The following TMEM178B variants were observed in gnomAD, a reference collection of about 807,000 sequenced individuals.
The protein encoded by TMEM178B is transmembrane protein 178B.
In TMEM178B, 5 loss-of-function variants were observed where a neutral mutation model predicts 31.0. That is an observed-to-expected ratio of 0.16 (90% CI 0.08 to 0.34). The LOEUF (loss-of-function observed/expected upper bound fraction) is 0.34, where lower values mean the gene tolerates loss of function less well. Among genes scored for constraint, TMEM178B ranks in the 10% least tolerant of loss-of-function variants. The pLI is 1.00. For missense variants in TMEM178B, 275 were observed against 400.3 expected, an observed-to-expected ratio of 0.69 and a Z score of 2.67; for synonymous variants, 164 against 164.0, an observed-to-expected ratio of 1.00 and a Z score of 0.00.
At chr7:141,412,493 A>G (rs934815081) in intron 2 of TMEM178B, among the ~76,000 whole-genome samples, 6 of 152,206 alleles carry the variant, frequency 3.9e-5, no homozygotes, top group African/African-American at 1.2e-4. Context: ...CATGGGCCCA[A>G]GAGAGTTGCA....
intron 2 of TMEM178B, among the ~76,000 whole-genome samples, chr7:141,332,802 C>G (rs565389147): frequency 6.6e-6 from 1 of 152,324 alleles, no homozygotes; most frequent in South Asian, 2.1e-4. Context: ...AGTGTTTCCC[C>G]ACCTTGTAGT....
chr7:141,275,786 T>C (rs1798257068), intron 2 of TMEM178B, among the ~76,000 whole-genome samples: 1 of 152,208 alleles, frequency 6.6e-6, no homozygotes, highest in African/African-American at 2.4e-5. Context: ...TTATTTGTTG[T>C]ACAGAATTCA....
intron 1 of TMEM178B, among the ~76,000 whole-genome samples, chr7:141,205,534 G>C (rs373391961): frequency 1.3e-5 from 2 of 152,336 alleles, no homozygotes; most frequent in African/African-American, 4.8e-5. Flanking sequence ...TCCCTCTGGA[G>C]GAAGGGGATC....
chr7:141,175,475 G>A (rs1416485862), intron 1 of TMEM178B, among the ~76,000 whole-genome samples: 1 of 152,128 alleles, frequency 6.6e-6, no homozygotes, highest in Non-Finnish European at 1.5e-5. Context: ...GAAATTTAAA[G>A]TAGTTTTTTC....
At chr7:141,499,287 T>C in the TMEM178B span, among the ~76,000 whole-genome samples, 2 of 152,050 alleles carry the variant, frequency 1.3e-5, no homozygotes, top group Non-Finnish European at 2.9e-5. Flanking sequence ...GTGACTCTTA[T>C]TAGAGCTAGT....
chr7:141,087,988 T>C lies in TMEM178B; in HGVS notation c.382+13296T>C, dbSNP rs1293697709. Among the ~76,000 whole-genome samples the C allele has an allele frequency of 3.9e-5, 6 of 152,136 alleles. No homozygotes were observed. In the South Asian group the frequency reaches 1.2e-3, roughly 32 times the overall value. The stretch of plus-strand genomic sequence containing the variant: ...GCAGAATAACTTCAGTGCTCATGTT[T>C]TGGTAACCACAGGGCTGGAAGAGAT... On this transcript the variant is annotated intron_variant, in intron 1 of 3. Coordinates refer to ENST00000565468, the MANE Select transcript of TMEM178B (RefSeq NM_001195278.2).
intron 2 of TMEM178B, among the ~76,000 whole-genome samples, chr7:141,320,229 A>G (rs1799074540): frequency 6.6e-6 from 1 of 152,182 alleles, no homozygotes; most frequent in South Asian, 2.1e-4. Context: ...TGAGTCAATT[A>G]AACCTTTTTT....
the TMEM178B span, among the ~76,000 whole-genome samples, chr7:141,510,692 A>AAAAAAAAAG: frequency 3.1e-4 from 43 of 139,338 alleles, 2 homozygotes; most frequent in Non-Finnish European, 1.5e-4. Context: ...TCTCAAAAAA[A>AAAAAAAAAG]AAAAAAAAAA....
At chr7:141,486,053 G>A in the TMEM178B span, among the ~76,000 whole-genome samples, 4 of 152,186 alleles carry the variant, frequency 2.6e-5, no homozygotes, top group East Asian at 1.9e-4. Context: ...TATACCCAAC[G>A]GAATACTATT....
At position 141,420,347 on chromosome 7, in the gene TMEM178B, T is replaced by C. The variant is rs191094210; in HGVS notation, c.497-17261T>C. 2.3e-3 allele frequency among the ~76,000 whole-genome samples: 348 copies of C among 152,292 alleles called. 4 individuals carry two copies. The highest frequency in any genetic ancestry group is 1.6e-3 in the Non-Finnish European group (111 of 68,026). On this transcript the variant is annotated intron_variant, in intron 2 of 3. Transcript: ENST00000565468. ...GAGAAACATGCATTGAATGAATAAATAAATGAATGTAGGATGAACCCAAAG... is the reference window on the plus strand; with the variant it reads ...GAGAAACATGCATTGAATGAATAAACAAATGAATGTAGGATGAACCCAAAG...
At chr7:141,466,611 C>T (rs1586979796) in intron 3 of TMEM178B, among the ~76,000 whole-genome samples, 1 of 152,104 alleles carries the variant, frequency 6.6e-6, no homozygotes, top group African/African-American at 2.4e-5. Context: ...TTTAAGTATC[C>T]TCTGTAGAAA....
intron 2 of TMEM178B, among the ~76,000 whole-genome samples, chr7:141,270,110 GCAA>G (rs1022509092): frequency 6.6e-6 from 1 of 151,948 alleles, no homozygotes; most frequent in Non-Finnish European, 1.5e-5. Flanking sequence ...CACAACAAAA[GCAA>G]CAACAGAAAA....
chr7:141,093,538 A>C (rs934410683), intron 1 of TMEM178B, among the ~76,000 whole-genome samples: 3 of 152,342 alleles, frequency 2.0e-5, no homozygotes, highest in South Asian at 2.1e-4. Context: ...AGGAGTCATC[A>C]GCTCATGGTA....
chr7:141,218,283 G>A (rs1004521130), intron 2 of TMEM178B, among the ~76,000 whole-genome samples: 20 of 152,154 alleles, frequency 1.3e-4, no homozygotes, highest in African/African-American at 4.3e-4. Context: ...GCAGGGTACA[G>A]CCTGGCTGGC....
chr7:141,099,179 T>G (rs1795012956), intron 1 of TMEM178B, among the ~76,000 whole-genome samples: 2 of 152,232 alleles, frequency 1.3e-5, no homozygotes, highest in East Asian at 1.9e-4. Flanking sequence ...TTTCCATGAA[T>G]GAAGTCATTT....
At chr7:141,408,550 G>A (rs1456120641) in intron 2 of TMEM178B, among the ~76,000 whole-genome samples, 1 of 152,204 alleles carries the variant, frequency 6.6e-6, no homozygotes, top group Non-Finnish European at 1.5e-5. Context: ...TTAGAGGCTT[G>A]AGACATGGTG....
intron 2 of TMEM178B, among the ~76,000 whole-genome samples, chr7:141,363,856 C>G (rs1410930935): frequency 6.6e-6 from 1 of 151,066 alleles, no homozygotes; most frequent in Non-Finnish European, 1.5e-5. Flanking sequence ...CGCCACTGCA[C>G]TTCAGCCTAA....
chr7:141,208,916 G>C (rs1380570540), intron 1 of TMEM178B, among the ~76,000 whole-genome samples: 1 of 152,212 alleles, frequency 6.6e-6, no homozygotes, highest in African/African-American at 2.4e-5. Context: ...CCCAAGGCTG[G>C]GTCTTGGAGG....
intron 2 of TMEM178B, among the ~76,000 whole-genome samples, chr7:141,387,427 G>A (rs951665557): frequency 1.3e-5 from 2 of 152,088 alleles, no homozygotes; most frequent in African/African-American, 2.4e-5. Flanking sequence ...TATAGTCAGA[G>A]GAAGAAATTC....
Sources: allele counts gnomAD v4.1 joint callset (sites outside exome capture counted in the v4.1 genomes callset), GRCh38; gene constraint gnomAD v4.1.1; transcripts MANE v1.5; gene names NCBI Gene and HGNC (gene_info 2026-07-23, HGNC 2026-07-21).